Variants in CACNA2D1 observed in about 807,000 individuals in gnomAD.
CACNA2D1 encodes the protein voltage-dependent calcium channel subunit alpha-2/delta-1.
Under a neutral mutation model 171.5 loss-of-function variants are expected in CACNA2D1, and 53 were observed. The ratio of observed to expected loss-of-function variants is 0.31; its 90% confidence interval spans 0.25 to 0.39. CACNA2D1 has a LOEUF of 0.39. Among genes scored for constraint, CACNA2D1 ranks in the 10% least tolerant of loss-of-function variants. CACNA2D1 has a pLI of 1.00. For synonymous variants in CACNA2D1, 442 were observed against 443.1 expected (o/e 1.00, Z 0.03); for missense variants, 903 against 1,299.8 (o/e 0.69, Z 4.69).
At chr7:82,180,121 A>C (rs1006539390) in intron 3 of CACNA2D1, among the ~76,000 whole-genome samples, 1 of 152,080 alleles carries the variant, frequency 6.6e-6, no homozygotes, top group African/African-American at 2.4e-5. Context: ...AGGCAAAGAG[A>C]GACTAGTTTT....
chr7:81,969,897 A>C lies in CACNA2D1; in HGVS notation c.2292T>G (p.Thr764=). ...AATACTTACTGTTAAAGTAGGGAGC[A>C]GTGAAAACATAGTTATCATTATCTA... The part of the protein sequence containing the change: ...RSLDNDNYVF[T]APYFNKSGPG... The change falls in exon 28 of 39, where the codon ACT becomes ACG. Residue 764 remains threonine (T), a synonymous_variant. Coordinates refer to ENST00000356860, the MANE Select transcript of CACNA2D1 (RefSeq NM_000722.4). 6.3e-7 allele frequency: 1 copy of C among 1,587,540 alleles called. No individual in the cohort carries two copies. Among genetic ancestry groups the C allele is most frequent in the South Asian group, 1.1e-5 (1 of 90,546 alleles).
intron 3 of CACNA2D1, among the ~76,000 whole-genome samples, chr7:82,256,193 C>T (rs1197365760): frequency 6.6e-6 from 1 of 151,964 alleles, no homozygotes; most frequent in Non-Finnish European, 1.5e-5. Context: ...TGGCGGGAGG[C>T]TGAGGTGGGA....
chr7:82,125,436 G>A (rs1790227149), intron 5 of CACNA2D1, among the ~76,000 whole-genome samples: 2 of 152,094 alleles, frequency 1.3e-5, no homozygotes, highest in Admixed American at 1.3e-4. Context: ...TGACTTATTG[G>A]GTCAGATGTC....
At chr7:82,274,576 C>T (rs1199657005) in intron 3 of CACNA2D1, among the ~76,000 whole-genome samples, 1 of 152,184 alleles carries the variant, frequency 6.6e-6, no homozygotes, top group East Asian at 1.9e-4. Flanking sequence ...TTTCTTCCTA[C>T]ATTTCTAATC....
At chr7:82,415,889 T>C (rs566036910) in intron 1 of CACNA2D1, among the ~76,000 whole-genome samples, 5 of 152,080 alleles carry the variant, frequency 3.3e-5, no homozygotes, top group South Asian at 4.2e-4. Context: ...ACAGGAAAGA[T>C]TGAATACTAA....
chr7:82,275,065 C>T (rs889234714), intron 3 of CACNA2D1, among the ~76,000 whole-genome samples: 1 of 152,126 alleles, frequency 6.6e-6, no homozygotes, highest in Non-Finnish European at 1.5e-5. Context: ...TATGCAAGCA[C>T]TAAGCAAATT....
At chr7:81,951,712 T>C (rs187294829) in intron 38 of CACNA2D1, among the ~76,000 whole-genome samples, 2 of 152,232 alleles carry the variant, frequency 1.3e-5, no homozygotes, top group East Asian at 3.9e-4. Flanking sequence ...ATGTTGTATA[T>C]ATACCACATT....
At chr7:82,342,620 G>C (rs1372618859) in intron 2 of CACNA2D1, among the ~76,000 whole-genome samples, 2 of 152,182 alleles carry the variant, frequency 1.3e-5, no homozygotes, top group Non-Finnish European at 2.9e-5. Flanking sequence ...AATGATCAGT[G>C]TGAGGAAGAA....
chr7:82,273,468 A>G (rs1419569001), intron 3 of CACNA2D1, among the ~76,000 whole-genome samples: 4 of 151,230 alleles, frequency 2.6e-5, no homozygotes, highest in African/African-American at 9.7e-5. Flanking sequence ...TATCTTCTCT[A>G]TAATATAATA....
chr7:82,334,097 A>G (rs1437115508), intron 3 of CACNA2D1, among the ~76,000 whole-genome samples: 2 of 152,206 alleles, frequency 1.3e-5, no homozygotes, highest in Admixed American at 6.5e-5. Context: ...GTAAATGAAT[A>G]TACAGCAAGA....
At chr7:82,369,033 A>T (rs1389948895) in intron 1 of CACNA2D1, among the ~76,000 whole-genome samples, 1 of 152,138 alleles carries the variant, frequency 6.6e-6, no homozygotes, top group African/African-American at 2.4e-5. Context: ...TCTGCTGGGA[A>T]TGTCTCTTCC....
intron 1 of CACNA2D1, among the ~76,000 whole-genome samples, chr7:82,442,118 C>T (rs1317592791): frequency 6.6e-6 from 1 of 152,154 alleles, no homozygotes; most frequent in Non-Finnish European, 1.5e-5. Context: ...TCCCCTTCTC[C>T]GGGATAGAAT....
At chr7:82,381,109 G>A (rs572155164) in intron 1 of CACNA2D1, among the ~76,000 whole-genome samples, 33 of 151,906 alleles carry the variant, frequency 2.2e-4, no homozygotes, top group Non-Finnish European at 4.3e-4. Context: ...TCAGGAGATC[G>A]AGACCATCCT....
chr7:82,004,343 AGCTACACGT>A (rs1458781659), intron 18 of CACNA2D1, among the ~76,000 whole-genome samples: 4 of 152,074 alleles, frequency 2.6e-5, no homozygotes, highest in Non-Finnish European at 4.4e-5. Flanking sequence ...GGTGATCAAC[AGCTACACGT>A]GCTACAGATA....
At chr7:82,164,159 T>C (rs1173701209) in intron 4 of CACNA2D1, among the ~76,000 whole-genome samples, 1 of 151,924 alleles carries the variant, frequency 6.6e-6, no homozygotes, top group African/African-American at 2.4e-5. Flanking sequence ...ATCTCCACAG[T>C]AATATTGTCA....
At chr7:82,292,450 T>G (rs1467679118) in intron 3 of CACNA2D1, among the ~76,000 whole-genome samples, 1 of 152,172 alleles carries the variant, frequency 6.6e-6, no homozygotes, top group Non-Finnish European at 1.5e-5. Context: ...TTGGAGCACT[T>G]CCTCCAGTAG....
At chr7:82,226,278 A>G (rs10954669) in intron 3 of CACNA2D1, among the ~76,000 whole-genome samples, 134,888 of 152,196 alleles carry the variant, frequency 0.89, 59,969 homozygotes, top group East Asian at 0.99. Flanking sequence ...CTCTATAGCC[A>G]CCATTTATTG....
At chr7:82,323,600 A>G (rs892302512) in intron 3 of CACNA2D1, among the ~76,000 whole-genome samples, 22 of 152,304 alleles carry the variant, frequency 1.4e-4, no homozygotes, top group African/African-American at 5.3e-4. Flanking sequence ...TGAAATTCTA[A>G]TAATTTCTTA....
intron 3 of CACNA2D1, among the ~76,000 whole-genome samples, chr7:82,205,395 T>C (rs921953585): frequency 6.6e-6 from 1 of 152,130 alleles, no homozygotes; most frequent in African/African-American, 2.4e-5. Context: ...AGAGTAGTAA[T>C]GGGGGCAGTA....
Sources: gnomAD v4.1 joint callset for allele counts (sites outside exome capture counted in the v4.1 genomes callset) on GRCh38, gnomAD v4.1.1 for gene constraint, MANE v1.5 for transcripts, NCBI Gene and HGNC (gene_info 2026-07-23, HGNC 2026-07-21) for gene names.